The following DAAM1 variants were observed in gnomAD, a reference collection of about 807,000 sequenced individuals.
DAAM1 encodes the protein disheveled-associated activator of morphogenesis 1.
Under a neutral mutation model 130.0 loss-of-function variants are expected in DAAM1, and 52 were observed. That is an observed-to-expected ratio of 0.40 (90% CI 0.32 to 0.50). The LOEUF (loss-of-function observed/expected upper bound fraction) is 0.50, where lower values mean the gene tolerates loss of function less well. DAAM1 is among the 20% of genes least tolerant of loss of function. DAAM1 has a pLI of 0.61. For missense variants in DAAM1, 1,134 were observed against 1,303.8 expected (o/e 0.87, Z 2.01); for synonymous variants, 452 against 444.5 (o/e 1.02, Z -0.21).
chr14:59,329,581 C>T (rs1042689320), intron 12 of DAAM1, among the ~76,000 whole-genome samples: 49 of 152,232 alleles, frequency 3.2e-4, no homozygotes, highest in African/African-American at 1.2e-3. Flanking sequence ...TGGGTTATAC[C>T]TCTAGTGGAT....
At chr14:59,193,054 A>AAACAAC (rs34240731) in intron 1 of DAAM1, among the ~76,000 whole-genome samples, 72 of 151,760 alleles carry the variant, frequency 4.7e-4, no homozygotes, top group South Asian at 2.7e-3. Context: ...CTCCGTCTCA[A>AAACAAC]AACAACAACA....
chr14:59,338,943 C>G (rs2139647725), intron 15 of DAAM1, among the ~76,000 whole-genome samples: 1 of 152,254 alleles, frequency 6.6e-6, no homozygotes, highest in South Asian at 2.1e-4. Flanking sequence ...ACTACAAATT[C>G]ATTTTCTTTT....
At chr14:59,296,251 A>G (rs1399977521) in intron 3 of DAAM1, among the ~76,000 whole-genome samples, 4 of 152,216 alleles carry the variant, frequency 2.6e-5, no homozygotes, top group South Asian at 2.1e-4. Context: ...TCTTATCTAC[A>G]TAGTCCCTGG....
At chr14:59,257,473 G>A (rs1235184276) in intron 1 of DAAM1, among the ~76,000 whole-genome samples, 1 of 147,560 alleles carries the variant, frequency 6.8e-6, no homozygotes, top group Non-Finnish European at 1.5e-5. Flanking sequence ...CAAAGCAGCA[G>A]TATTTGAGCA....
Position 59,339,064 on chromosome 14 carries a change from C to T in DAAM1, c.1969-1010C>T, listed in dbSNP as rs114167625. ...ATGTTAGATGTTCTCCATAAATTCA[C>T]GAGGCTTAGTAGGAAAGTACGTAGA... is the stretch of plus-strand genomic sequence containing the variant. On this transcript the variant is annotated intron_variant, in intron 15 of 24. Transcript: ENST00000360909. Among the ~76,000 whole-genome samples the T allele has an allele frequency of 2.1e-3, 317 of 152,258 alleles. 1 individual carries two copies. Among genetic ancestry groups the T allele is most frequent in the African/African-American group, 7.4e-3 (308 of 41,552 alleles).
At position 59,268,710 on chromosome 14, in the gene DAAM1, A is replaced by G. The variant is rs370025199; in HGVS notation, c.183+5050A>G. On this transcript the variant is annotated intron_variant, in intron 2 of 24. Coordinates refer to ENST00000360909, the MANE Select transcript of DAAM1 (RefSeq NM_001270520.2). ...AGAGTCTGTTTAATCTCTGCTAACC[A>G]TATATTTTATACCTTTCGAGAATCA... Among the ~76,000 whole-genome samples the G allele has an allele frequency of 4.6e-5, 7 of 152,196 alleles. No individual in the cohort carries two copies. In the East Asian group the frequency reaches 5.8e-4, roughly 13 times the overall value.
intron 3 of DAAM1, among the ~76,000 whole-genome samples, chr14:59,298,711 C>G (rs1012640860): frequency 3.9e-5 from 6 of 152,208 alleles, no homozygotes; most frequent in Admixed American, 1.3e-4. Flanking sequence ...AGGTTATAGT[C>G]TAACAAAAGG....
chr14:59,326,218 T>G (rs1312696822), intron 10 of DAAM1, 141 bp downstream of exon 10: 2 of 783,912 alleles, frequency 2.6e-6, no homozygotes, highest in African/African-American at 3.5e-5. Context: ...CAAGTATGTG[T>G]GTCTACATGG....
chr14:59,327,118 C>A, intron 12 of DAAM1, 127 bp downstream of exon 12: 3 of 973,666 alleles, frequency 3.1e-6, no homozygotes, highest in Non-Finnish European at 4.7e-6. Context: ...CTTTTTCCAT[C>A]TTTTAAGGGC....
In DAAM1 at chr14:59,198,693, A is replaced by G. The variant is rs558273040; in HGVS notation, c.-38+9925A>G. On this transcript the variant is annotated intron_variant, in intron 1 of 24. Coordinates refer to ENST00000360909, the MANE Select transcript of DAAM1 (RefSeq NM_001270520.2). The stretch of plus-strand genomic sequence containing the variant: ...CTAATGAGGAAGGAGGATAATGCTG[A>G]GTAAATGTAGATTCAATTTACATGT... Among the ~76,000 whole-genome samples, 16 of 152,360 alleles carry G rather than the reference A, an allele frequency of 1.1e-4. No homozygotes were observed. The East Asian group carries it at 3.1e-3, about 29-fold the overall frequency.
At chr14:59,222,743 T>G (rs1354926439) in intron 1 of DAAM1, among the ~76,000 whole-genome samples, 1 of 152,256 alleles carries the variant, frequency 6.6e-6, no homozygotes, top group Non-Finnish European at 1.5e-5. Context: ...AATATCTTCA[T>G]GTTTTTAGCC....
At chr14:59,320,771 T>TAA (rs1257081107) in intron 5 of DAAM1, among the ~76,000 whole-genome samples, 187 bp downstream of exon 5, 2 of 149,508 alleles carry the variant, frequency 1.3e-5, no homozygotes, top group African/African-American at 2.4e-5. Flanking sequence ...CTAGGATGGC[T>TAA]AAAAAAAAAC....
chr14:59,318,671 C>T (rs1884884931), intron 4 of DAAM1, among the ~76,000 whole-genome samples: 1 of 152,006 alleles, frequency 6.6e-6, no homozygotes, highest in African/African-American at 2.4e-5. Flanking sequence ...GTTATCTCAG[C>T]ACGATAAATA....
chr14:59,236,199 A>C (rs546173441), intron 1 of DAAM1, among the ~76,000 whole-genome samples: 1 of 151,986 alleles, frequency 6.6e-6, no homozygotes, highest in African/African-American at 2.4e-5. Flanking sequence ...TTGAATCTTC[A>C]GGTAATTTTT....
At chr14:59,192,888 C>T (rs1887773166) in intron 1 of DAAM1, among the ~76,000 whole-genome samples, 1 of 152,200 alleles carries the variant, frequency 6.6e-6, no homozygotes, top group African/African-American at 2.4e-5. Context: ...CCCGTCTCTA[C>T]TAAAAATACA....
In DAAM1 at chr14:59,291,893, T is replaced by C. The variant is rs185121746; in HGVS notation, c.273+587T>C. Among the ~76,000 whole-genome samples, 21 of 152,318 alleles carry C rather than the reference T, an allele frequency of 1.4e-4. No individual in the cohort carries two copies. The East Asian group carries it at 4.0e-3, about 29-fold the overall frequency. ...ACTGAAAGGACTAAAGTCTTTATTC[T>C]GGGCAGTCACTTCCCATTTAAGATC... On this transcript the variant is annotated intron_variant, in intron 3 of 24. Coordinates refer to ENST00000360909, the MANE Select transcript of DAAM1 (RefSeq NM_001270520.2).
At chr14:59,189,072 T>C (rs1010767618) in intron 1 of DAAM1, among the ~76,000 whole-genome samples, 3 of 152,170 alleles carry the variant, frequency 2.0e-5, no homozygotes, top group Non-Finnish European at 4.4e-5. Context: ...CCTCCCTTTC[T>C]TTCTAAGGCG....
At chr14:59,359,161 T>G (rs1196980058) in intron 20 of DAAM1, 1 of 321,654 alleles carries the variant, frequency 3.1e-6, no homozygotes, top group East Asian at 5.1e-5. Flanking sequence ...AATTGTGTGC[T>G]TTTTGACATA....
intron 17 of DAAM1, among the ~76,000 whole-genome samples, chr14:59,351,310 C>G (rs1886285383): frequency 6.6e-6 from 1 of 152,154 alleles, no homozygotes. Context: ...TTAATCTCTT[C>G]TAATTCTTTT....
Sources: gnomAD v4.1 joint callset for allele counts (sites outside exome capture counted in the v4.1 genomes callset) on GRCh38, gnomAD v4.1.1 for gene constraint, MANE v1.5 for transcripts, NCBI Gene and HGNC (gene_info 2026-07-23, HGNC 2026-07-21) for gene names.